Variants in BORA observed in about 807,000 individuals in gnomAD.
BORA encodes BORA aurora kinase A activator.
In BORA, 26 loss-of-function variants were observed where a neutral mutation model predicts 55.8. The observed-to-expected ratio is 0.47, with a 90% CI of 0.34 to 0.65. The LOEUF is 0.65. Ranked by LOEUF, BORA falls within the 30% of genes least tolerant of loss-of-function variation. The pLI is 0.01. For missense variants in BORA, 568 were observed against 671.5 expected (o/e 0.85, Z 1.70); for synonymous variants, 201 against 216.9 (o/e 0.93, Z 0.64).
intron 5 of BORA, among the ~76,000 whole-genome samples, chr13:72,741,905 A>G (rs1211800985): frequency 6.6e-6 from 1 of 152,188 alleles, no homozygotes; most frequent in Non-Finnish European, 1.5e-5. Context: ...TGTTTGTTTT[A>G]GGTACTCAAA....
Position 72,746,756 on chromosome 13 carries a change from C to T in BORA, c.1127C>T (p.Pro376Leu), listed in dbSNP as rs1440896397. The change falls in exon 10 of 12, where the codon CCC (proline) becomes CTC (leucine). Residue 376 changes from proline to leucine, a missense_variant. By Grantham distance (98) the Pro-to-Leu change is moderately conservative. Coordinates refer to ENST00000390667, the MANE Select transcript of BORA (RefSeq NM_024808.5). ...ATTCCTTCCACAGATGTCTCATCAC[C>T]CGCCATGGATGCTGCTGGAATACAC... ...ENIPSTDVSS[P>L]AMDAAGIHLR... The T allele has an allele frequency of 1.9e-6, 3 of 1,614,102 alleles. No homozygotes were observed. In the South Asian group the frequency reaches 3.3e-5, roughly 18 times the overall value.
Position 72,746,725 on chromosome 13 carries a change from G to C in BORA, c.1096G>C (p.Glu366Gln). 6.2e-7 allele frequency: 1 copy of C among 1,614,136 alleles called. No homozygotes were observed. The highest frequency in any genetic ancestry group is 1.3e-5 in the African/African-American group (1 of 75,046). ...TCAAGGTGAAGATGAGGAAGATAAA[G>C]AGAATATTCCTTCCACAGATGTCTC... ...ETQGEDEEDK[E>Q]NIPSTDVSSP... Residue 366 changes from glutamate (E) to glutamine (Q), a missense_variant, in exon 10 of 12, where the codon GAG becomes CAG. By Grantham distance (29) the Glu-to-Gln change is conservative (BLOSUM62 2). Coordinates refer to ENST00000390667, the MANE Select transcript of BORA (RefSeq NM_024808.5).
chr13:72,740,485 A>C (rs2033012605), intron 5 of BORA, among the ~76,000 whole-genome samples: 5 of 152,176 alleles, frequency 3.3e-5, no homozygotes, highest in Admixed American at 3.3e-4. Flanking sequence ...CCCCATTCAC[A>C]ATATTCACAT....
rs1363917574 is a variant in BORA at position 72,745,771 on chromosome 13, A to G, written c.739-173A>G. On this transcript the variant is annotated intron_variant, in intron 8 of 11. Transcript: ENST00000390667. ...TGACTAACATATTTGATACTATTTCAGAATTTTTGTAGCAATCTTCTTAGT... is the reference window on the plus strand; with the variant it reads ...TGACTAACATATTTGATACTATTTCGGAATTTTTGTAGCAATCTTCTTAGT... Among the ~76,000 whole-genome samples the G allele has an allele frequency of 2.0e-5, 3 of 152,336 alleles. No homozygotes were observed. The East Asian group carries it at 5.8e-4, about 29-fold the overall frequency.
intron 5 of BORA, 32 bp downstream of exon 5, chr13:72,738,075 T>C (rs1566221786): frequency 2.7e-6 from 4 of 1,496,790 alleles, no homozygotes; most frequent in Non-Finnish European, 1.8e-6. Flanking sequence ...TGAATAAAAA[T>C]CAAAAAAGTC....
At chr13:72,748,732 C>A (rs1186961859) in intron 10 of BORA, among the ~76,000 whole-genome samples, 1 of 912 alleles carries the variant, frequency 1.1e-3, no homozygotes, top group East Asian at 0.042. Flanking sequence ...TTCACTTTCT[C>A]TCTCTCTCTC....
At chr13:72,751,932 A>T (rs2033286785) in intron 10 of BORA, among the ~76,000 whole-genome samples, 1 of 152,242 alleles carries the variant, frequency 6.6e-6, no homozygotes. Context: ...GAATGGTAAC[A>T]AACAAGGGGG....
At chr13:72,739,918 G>T (rs1398365217) in intron 5 of BORA, among the ~76,000 whole-genome samples, 1 of 152,056 alleles carries the variant, frequency 6.6e-6, no homozygotes, top group African/African-American at 2.4e-5. Flanking sequence ...AGTTTTAGTT[G>T]GTGGGTTTAA....
At chr13:72,732,287 C>A (rs1003774076) in intron 3 of BORA, among the ~76,000 whole-genome samples, 1 of 152,070 alleles carries the variant, frequency 6.6e-6, no homozygotes. Flanking sequence ...AACATGATGA[C>A]CATTCAATCA....
At chr13:72,749,667 C>T (rs1294223991) in intron 10 of BORA, among the ~76,000 whole-genome samples, 1 of 152,124 alleles carries the variant, frequency 6.6e-6, no homozygotes. Flanking sequence ...TCTTTCTACT[C>T]TCCAGCTTGT....
At chr13:72,745,277 T>C in intron 8 of BORA, 70 bp downstream of exon 8, 1 of 1,316,900 alleles carries the variant, frequency 7.6e-7, no homozygotes, top group South Asian at 1.3e-5. Flanking sequence ...GTTGTTGTTC[T>C]ATCTTAGGCT....
chr13:72,748,269 C>T (rs2033193629), intron 10 of BORA, among the ~76,000 whole-genome samples: 3 of 152,176 alleles, frequency 2.0e-5, no homozygotes, highest in Admixed American at 2.0e-4. Flanking sequence ...AGTTTCTATA[C>T]AACTAGTAAG....
intron 4 of BORA, among the ~76,000 whole-genome samples, chr13:72,735,748 TACAGGCATGCGCC>T (rs59744335): frequency 0.87 from 132,388 of 151,796 alleles, 60,140 homozygotes; most frequent in Non-Finnish European, 0.99. Context: ...TAGCTGGGAT[TACAGGCATGCGCC>T]ACCACACGCA....
Position 72,753,559 on chromosome 13 carries a change from G to A in BORA, c.1483-131G>A, listed in dbSNP as rs2033339697. ...TATTTGTGCATTACTTTTGAATTTT[G>A]TTCAACATGATCAATATTACATGTT... On this transcript the variant is annotated intron_variant, in intron 10 of 11. Coordinates refer to ENST00000390667, the MANE Select transcript of BORA (RefSeq NM_024808.5). 4.3e-6 allele frequency: 4 copies of A among 938,784 alleles called. No individual in the cohort carries two copies. The South Asian group carries it at 7.4e-5, about 17-fold the overall frequency. The allele number at this position is 938,784 out of a possible 1,614,324, so 58.2% of individuals were successfully genotyped here.
rs115202514 is a variant in BORA, at chr13:72,750,952, G to A, written c.1483-2738G>A. 5.5e-3 allele frequency among the ~76,000 whole-genome samples: 837 copies of A among 152,154 alleles called. 7 individuals carry two copies. Among genetic ancestry groups the A allele is most frequent in the African/African-American group, 0.018 (767 of 41,482 alleles). On this transcript the variant is annotated intron_variant, in intron 10 of 11. Transcript: ENST00000390667. ...GGGTGCAAATGTATTTAGTTGAGGC[G>A]CGAGCATGGCATTAAAGAACATGGG...
chr13:72,738,227 T>A (rs1322447686), intron 5 of BORA, among the ~76,000 whole-genome samples, 184 bp downstream of exon 5: 1 of 152,184 alleles, frequency 6.6e-6, no homozygotes, highest in Non-Finnish European at 1.5e-5. Context: ...AATTGTTTTT[T>A]AGCTGTTATA....
In BORA at chr13:72,745,958, T is replaced by C; in HGVS notation, c.753T>C (p.Ser251=). The part of the protein sequence containing the change: ...LQTPSSGQFS[S]SPIQASAKKY... Reference sequence around the variant, plus strand: ...TTTTATTACAGGGGCAGTTTTCTTCTAGCCCTATTCAGGCTAGTGCAAAAA... The same window carrying C: ...TTTTATTACAGGGGCAGTTTTCTTCCAGCCCTATTCAGGCTAGTGCAAAAA... Residue 251 remains serine, a synonymous_variant, in exon 9 of 12, where the codon TCT becomes TCC. Transcript: ENST00000390667. 1 of 1,609,756 alleles carries C rather than the reference T, an allele frequency of 6.2e-7. No homozygotes were observed. The highest frequency in any genetic ancestry group is 8.5e-7 in the Non-Finnish European group (1 of 1,178,192).
intron 1 of BORA, chr13:72,728,320 A>G: frequency 1.6e-6 from 1 of 611,146 alleles, no homozygotes; most frequent in Non-Finnish European, 2.9e-6. Context: ...CTATCCCGGG[A>G]GGGGTGGAGG....
chr13:72,729,205 C>T (rs2032755977), intron 2 of BORA, 112 bp downstream of exon 2: 2 of 864,802 alleles, frequency 2.3e-6, no homozygotes, highest in Non-Finnish European at 3.4e-6. Flanking sequence ...CATTATGGAG[C>T]ATATATAGCT....
Sources: allele counts gnomAD v4.1 joint callset (sites outside exome capture counted in the v4.1 genomes callset), GRCh38; gene constraint gnomAD v4.1.1; transcripts MANE v1.5; gene names NCBI Gene and HGNC (gene_info 2026-07-23, HGNC 2026-07-21).